Variants in RPL15 observed in about 807,000 individuals in gnomAD.
RPL15 encodes the protein large ribosomal subunit protein eL15.
For synonymous variants in RPL15, 97 were observed against 95.1 expected (o/e 1.02, Z -0.12); for missense variants, 161 against 271.8 (o/e 0.59, Z 2.87).
At chr3:23,924,037 AAC>A (rs916203124), downstream of RPL15, 10 of 152,190 alleles carry the variant, frequency 6.6e-5, no homozygotes, top group African/African-American at 2.4e-4. Context: ...CAAGAAAAAC[AAC>A]AGTTGGTATG....
At chr3:23,918,711 T>C (rs1704864808) in intron 3 of RPL15, 135 bp downstream of exon 3, 2 of 1,046,820 alleles carry the variant, frequency 1.9e-6, no homozygotes. Context: ...TTACTAATCT[T>C]GGTGAAGAGT....
Position 23,920,001 on chromosome 3 carries a change from A to C in RPL15, c.*500A>C. ...ACAGTACCATTTTAAATTCACATAAAAGGTGAAAGCTCCTGGTTCAGTGCC... is the reference window on the plus strand; with the variant it reads ...ACAGTACCATTTTAAATTCACATAACAGGTGAAAGCTCCTGGTTCAGTGCC... On this transcript the variant is annotated 3_prime_UTR_variant, in exon 4 of 4. Coordinates refer to ENST00000307839, the MANE Select transcript of RPL15 (RefSeq NM_002948.5). 2 of 986,924 alleles carry C rather than the reference A, an allele frequency of 2.0e-6. No individual in the cohort carries two copies. The highest frequency in any genetic ancestry group is 2.4e-6 in the Non-Finnish European group (2 of 830,742). 61.1% of individuals were successfully genotyped at this position (986,924 alleles called of 1,614,324 possible).
intron 2 of RPL15, 195 bp from the exon 3 acceptor site, chr3:23,918,245 A>C (rs1312709349): frequency 2.2e-6 from 2 of 911,058 alleles, no homozygotes; most frequent in African/African-American, 3.4e-5. Context: ...GACTAAAGCA[A>C]AATAAACAGT....
chr3:23,917,781 G>C, intron 1 of RPL15, 69 bp from the exon 2 acceptor site: 2 of 1,457,250 alleles, frequency 1.4e-6, no homozygotes, highest in South Asian at 2.7e-5. Flanking sequence ...GGGGAACTAA[G>C]ATGGACGGAT....
downstream of RPL15, chr3:23,921,944 AG>A (rs1705102086): frequency 3.8e-6 from 1 of 260,038 alleles, no homozygotes; most frequent in South Asian, 9.7e-5. Context: ...ACTGGCCTCA[AG>A]CAATCCTGCC....
At position 23,919,724 on chromosome 3, in the gene RPL15, T is replaced by C; in HGVS notation, c.*223T>C. 7.4e-7 allele frequency: 1 copy of C among 1,357,758 alleles called. No homozygotes were observed. Among genetic ancestry groups the C allele is most frequent in the Non-Finnish European group, 9.4e-7 (1 of 1,058,774 alleles). The allele number at this position is 1,357,758 out of a possible 1,614,324, so 84.1% of individuals were successfully genotyped here. A position where few individuals can be genotyped will look rare whatever the true frequency, so the allele number is the denominator to read the frequency against. On this transcript the variant is annotated 3_prime_UTR_variant, in exon 4 of 4. Transcript: ENST00000307839. ...GTCTTTGCTTTATCTTATTAGGGAG[T>C]TGTATGTCAGTGTATAAAACATACT... is the stretch of plus-strand genomic sequence containing the variant.
chr3:23,921,568 GAGT>G, downstream of RPL15: 4 of 594,184 alleles, frequency 6.7e-6, no homozygotes, highest in African/African-American at 2.2e-5. Flanking sequence ...ATTGATTATT[GAGT>G]TTTTTTTTTT....
At chr3:23,916,876 G>A (rs979731599), upstream of RPL15, 6 of 152,870 alleles carry the variant, frequency 3.9e-5, no homozygotes, top group African/African-American at 1.4e-4. Flanking sequence ...TCCTCTCGCG[G>A]AGAGACAGTC....
chr3:23,921,569 A>ATTT, downstream of RPL15: 1 of 512,672 alleles, frequency 2.0e-6, no homozygotes. Flanking sequence ...TTGATTATTG[A>ATTT]GTTTTTTTTT....
intron 2 of RPL15, 93 bp downstream of exon 2, chr3:23,918,124 T>C: frequency 6.8e-7 from 1 of 1,462,358 alleles, no homozygotes; most frequent in Non-Finnish European, 9.2e-7. Flanking sequence ...CTCAGTGTCT[T>C]TCTTCGCATA....
At chr3:23,921,643 C>G, downstream of RPL15, 1 of 642,264 alleles carries the variant, frequency 1.6e-6, no homozygotes, top group Non-Finnish European at 2.8e-6. Context: ...GGGGCAATCA[C>G]GGCTCACTGC....
rs1171257595 is a variant in RPL15 at position 23,917,834 on chromosome 3, C to G, written c.-10-16C>G. 1.9e-6 allele frequency: 3 copies of G among 1,602,542 alleles called. No homozygotes were observed. The highest frequency in any genetic ancestry group is 2.6e-6 in the Non-Finnish European group (3 of 1,174,926). ...CTTAAAGCGGATGATATTTAATACACAGTTTGATTTCACAGGTAAGCCAAG... is the reference window on the plus strand; with the variant it reads ...CTTAAAGCGGATGATATTTAATACAGAGTTTGATTTCACAGGTAAGCCAAG... On this transcript the variant is annotated splice_polypyrimidine_tract_variant and intron_variant, in intron 1 of 3. Transcript: ENST00000307839.
chr3:23,918,276 C>T (rs1704798140), intron 2 of RPL15, 164 bp from the exon 3 acceptor site: 1 of 927,190 alleles, frequency 1.1e-6, no homozygotes, highest in Middle Eastern at 3.5e-4. Flanking sequence ...GTGTGAGTAG[C>T]CTAAGGTGCA....
downstream of RPL15, chr3:23,921,564 T>A: frequency 4.4e-6 from 3 of 680,426 alleles, no homozygotes; most frequent in Middle Eastern, 3.8e-4. Flanking sequence ...CAACATTGAT[T>A]ATTGAGTTTT....
chr3:23,920,843 ACAAAT>A lies in RPL15; in HGVS notation c.*1343_*1347del. ...AGGAATAAATGTCTATTAAACTAAA[ACAAAT>A]GGACCTTCTGTTATTTTTTGTCATC... is the stretch of plus-strand genomic sequence containing the variant. On this transcript the variant is annotated 3_prime_UTR_variant, in exon 4 of 4. Coordinates refer to ENST00000307839, the MANE Select transcript of RPL15 (RefSeq NM_002948.5). The A allele has an allele frequency of 1.1e-6, 1 of 888,408 alleles. No homozygotes were observed. Among genetic ancestry groups the A allele is most frequent in the Non-Finnish European group, 1.3e-6 (1 of 741,446 alleles). The allele number at this position is 888,408 out of a possible 1,614,324, so 55.0% of individuals were successfully genotyped here.
chr3:23,921,423 C>T (rs1705073833), downstream of RPL15, among the ~76,000 whole-genome samples: 1 of 152,196 alleles, frequency 6.6e-6, no homozygotes. Flanking sequence ...ACACCAAACA[C>T]TTCCTAATGC....
At position 23,918,124 on chromosome 3, in the gene RPL15, T is replaced by G. The variant is rs1351670216; in HGVS notation, c.172+93T>G. The G allele has an allele frequency of 2.7e-6, 4 of 1,462,240 alleles. No individual in the cohort carries two copies. The South Asian group carries it at 5.4e-5, about 20-fold the overall frequency. 90.6% of individuals were successfully genotyped at this position (1,462,240 alleles called of 1,614,324 possible). ...GGAAGACACTGCTGCCTCAGTGTCT[T>G]TCTTCGCATAGGGCTTTGGCAGAAA... is the stretch of plus-strand genomic sequence containing the variant. On this transcript the variant is annotated intron_variant, in intron 2 of 3. Coordinates refer to ENST00000307839, the MANE Select transcript of RPL15 (RefSeq NM_002948.5).
At chr3:23,921,611 C>T (rs752593196), downstream of RPL15, 4 of 509,372 alleles carry the variant, frequency 7.9e-6, no homozygotes, top group Middle Eastern at 1.2e-3. Context: ...GAGTCTCACT[C>T]TCACTCAGGT....
chr3:23,918,191 T>C, intron 2 of RPL15, 160 bp downstream of exon 2: 1 of 1,018,312 alleles, frequency 9.8e-7, no homozygotes, highest in South Asian at 1.7e-5. Flanking sequence ...CACTGTTGTC[T>C]AAAGTGGCAA....
Sources: allele counts gnomAD v4.1 joint callset (sites outside exome capture counted in the v4.1 genomes callset), GRCh38; gene constraint gnomAD v4.1.1; transcripts MANE v1.5; gene names NCBI Gene and HGNC (gene_info 2026-07-23, HGNC 2026-07-21).